The following UTP18 variants were observed in gnomAD, a reference collection of about 807,000 sequenced individuals.
UTP18 encodes the protein UTP18 small subunit processome component, also known as U3 small nucleolar RNA-associated protein 18 homolog.
In UTP18, 36 loss-of-function variants were observed where a neutral mutation model predicts 61.1. The ratio of observed to expected loss-of-function variants is 0.59; its 90% CI spans 0.45 to 0.78. The LOEUF (loss-of-function observed/expected upper bound fraction) is 0.78. UTP18 is among the 30% of genes least tolerant of loss of function. UTP18 has a pLI of 0.00. For missense variants in UTP18, 753 were observed against 693.9 expected (o/e 1.09, Z -0.96); for synonymous variants, 282 against 251.1 (o/e 1.12, Z -1.16).
At chr17:51,263,528 G>A (rs2055529408) in intron 2 of UTP18, 142 bp downstream of exon 2, 1 of 678,540 alleles carries the variant, frequency 1.5e-6, no homozygotes, top group Non-Finnish European at 2.4e-6. Flanking sequence ...ATCTTTCATG[G>A]TTCCTGATCC....
chr17:51,267,221 G>A (rs184837624), intron 3 of UTP18, among the ~76,000 whole-genome samples: 95 of 152,150 alleles, frequency 6.2e-4, no homozygotes, highest in Non-Finnish European at 1.2e-3. Context: ...TCTTGGCCTC[G>A]CAAAGTGCTG....
Position 51,277,147 on chromosome 17 carries a change from T to A in UTP18, c.855T>A (p.Asn285Lys). Residue 285 changes from asparagine (N) to lysine (K), a missense_variant, in exon 7 of 14, where the codon AAT becomes AAA. Transcript: ENST00000225298. Reference protein sequence around the residue: ...VSLFQVDGKTNPKIQSIYLER... With the variant: ...VSLFQVDGKTKPKIQSIYLER... ...CTTTATAGGTTGATGGGAAAACAAA[T>A]CCTAAAATTCAGAGCATCTATTTGG... The A allele has an allele frequency of 6.2e-7, 1 of 1,613,952 alleles. No homozygotes were observed. Among genetic ancestry groups the A allele is most frequent in the Non-Finnish European group, 8.5e-7 (1 of 1,179,936 alleles).
intron 2 of UTP18, among the ~76,000 whole-genome samples, chr17:51,263,972 A>G (rs1253167934): frequency 1.3e-5 from 2 of 152,066 alleles, no homozygotes; most frequent in Admixed American, 6.5e-5. Context: ...GTTGGAGTCA[A>G]TTATGTGAAT....
rs1555555694 is a variant in UTP18, at chr17:51,281,165, T to TATATATATA, written c.1204+686_1204+687insATATATATA. Among the ~76,000 whole-genome samples the TATATATATA allele has an allele frequency of 1.5e-3, 64 of 43,918 alleles. 1 individual carries two copies. Among genetic ancestry groups the TATATATATA allele is most frequent in the African/African-American group, 3.6e-3 (60 of 16,850 alleles). 28.8% of individuals were successfully genotyped at this position (43,918 alleles called of 152,430 possible). ...AAATATATATATATATATATATATA[T>TATATATATA]TTTTTTTAAACGAAAAGTTGTGTTT... is the stretch of plus-strand genomic sequence containing the variant. On this transcript the variant is annotated intron_variant, in intron 9 of 13. Transcript: ENST00000225298.
rs750254541 is a variant in UTP18, at chr17:51,280,419, A to G, written c.1144A>G (p.Asn382Asp). 6.2e-7 allele frequency: 1 copy of G among 1,614,200 alleles called. No individual in the cohort carries two copies. The highest frequency in any genetic ancestry group is 8.5e-7 in the Non-Finnish European group (1 of 1,180,016). ...TKELIGSMKI[N>D]GRVAASTFSS... ...AGAACTGATTGGAAGCATGAAAATT[A>G]ATGGAAGGGTTGCAGCATCCACATT... The change falls in exon 9 of 14, where the codon AAT becomes GAT. Residue 382 changes from asparagine to aspartate, a missense_variant. Asn to Asp is a conservative substitution (Grantham distance 23). Coordinates refer to ENST00000225298, the MANE Select transcript of UTP18 (RefSeq NM_016001.3).
intron 10 of UTP18, 48 bp downstream of exon 10, chr17:51,285,416 G>C: frequency 6.3e-7 from 1 of 1,587,842 alleles, no homozygotes; most frequent in Non-Finnish European, 8.6e-7. Context: ...GTGCTAATGA[G>C]AATATGTTGA....
chr17:51,270,012 C>T (rs1598476217), intron 4 of UTP18, among the ~76,000 whole-genome samples: 1 of 152,060 alleles, frequency 6.6e-6, no homozygotes, highest in Non-Finnish European at 1.5e-5. Flanking sequence ...TGCGCCATTA[C>T]ACCTGGCTAA....
intron 6 of UTP18, 36 bp downstream of exon 6, chr17:51,276,027 A>G: frequency 5.8e-6 from 9 of 1,564,292 alleles, no homozygotes; most frequent in East Asian, 2.3e-5. Flanking sequence ...TTTCTAATGC[A>G]TTATTTTTAT....
intron 4 of UTP18, among the ~76,000 whole-genome samples, chr17:51,270,646 C>G (rs117733211): frequency 0.03 from 4,495 of 152,202 alleles, 85 homozygotes; most frequent in Admixed American, 0.032. Flanking sequence ...TCCAGAGTTG[C>G]CTAAGATGTT....
At chr17:51,293,102 A>G (rs1905273558) in intron 11 of UTP18, among the ~76,000 whole-genome samples, 1 of 152,200 alleles carries the variant, frequency 6.6e-6, no homozygotes, top group Admixed American at 6.5e-5. Flanking sequence ...CTTCATGTTT[A>G]AAATCTCTTT....
chr17:51,273,595 ATTG>A lies in UTP18; in HGVS notation c.711+148_711+150del, dbSNP rs896107270. 7 of 444,044 alleles carry A rather than the reference ATTG, an allele frequency of 1.6e-5. No individual in the cohort carries two copies. In the South Asian group the frequency reaches 2.7e-4, roughly 17 times the overall value. The allele number at this position is 444,044 out of a possible 1,614,324, so 27.5% of individuals were successfully genotyped here. A position where few individuals can be genotyped will look rare whatever the true frequency, so the allele number is the denominator to read the frequency against. ...TTTTGCCCTGGTAAATACTTATGTT[ATTG>A]TTTTTTTTTTTTCCTTTTGCAAAAA... On this transcript the variant is annotated intron_variant, in intron 5 of 13. Coordinates refer to ENST00000225298, the MANE Select transcript of UTP18 (RefSeq NM_016001.3).
intron 1 of UTP18, among the ~76,000 whole-genome samples, chr17:51,261,400 C>A (rs1005895553): frequency 6.6e-6 from 1 of 152,190 alleles, no homozygotes; most frequent in East Asian, 1.9e-4. Flanking sequence ...TCGTGTATTC[C>A]GTTCATTTAG....
intron 12 of UTP18, among the ~76,000 whole-genome samples, chr17:51,294,809 A>G (rs2144449488): frequency 6.6e-6 from 1 of 152,204 alleles, no homozygotes; most frequent in South Asian, 2.1e-4. Flanking sequence ...ACTAGTTTAC[A>G]GTCCCACCAA....
intron 7 of UTP18, 54 bp from the exon 8 acceptor site, chr17:51,279,951 G>A (rs1334284906): frequency 1.4e-6 from 2 of 1,399,102 alleles, no homozygotes; most frequent in Non-Finnish European, 2.0e-6. Context: ...ATAGATGATA[G>A]TTTTATTGAA....
At chr17:51,275,678 T>G (rs961104511) in intron 5 of UTP18, among the ~76,000 whole-genome samples, 188 bp from the exon 6 acceptor site, 1 of 152,144 alleles carries the variant, frequency 6.6e-6, no homozygotes, top group Non-Finnish European at 1.5e-5. Context: ...TGTGGTAAAG[T>G]GACTTGCTAG....
chr17:51,292,650 A>G (rs561874519), intron 11 of UTP18, among the ~76,000 whole-genome samples: 2 of 152,358 alleles, frequency 1.3e-5, no homozygotes, highest in African/African-American at 2.4e-5. Context: ...TGAAGGTGCT[A>G]TATCTCTTGG....
rs566289031 is a variant in UTP18 at position 51,260,662 on chromosome 17, G to A, written c.78G>A (p.Arg26=). The A allele has an allele frequency of 1.6e-5, 26 of 1,612,196 alleles. No homozygotes were observed. The African/African-American group carries it at 3.1e-4, about 19-fold the overall frequency. ...AGCCGAAGCGGAAGCCCGGAATGAG[G>A]CCGGACTGGAAAGCCGGAGCGGGGC... ...GAKPKRKPGM[R]PDWKAGAGPG... is the part of the protein sequence containing the mutation. The change falls in exon 1 of 14, where the codon AGG becomes AGA. Residue 26 remains arginine, a synonymous_variant. Transcript: ENST00000225298.
rs903616532 is a variant in UTP18, at chr17:51,285,255, A to G, written c.1215A>G (p.Glu405=). ...KKVYASSGDG[E]VYVWDVNSRK... ...CGCTCTTTTATGCAGGGGATGGAGAAGTTTATGTTTGGGATGTGAACTCAA... is the reference window on the plus strand; with the variant it reads ...CGCTCTTTTATGCAGGGGATGGAGAGGTTTATGTTTGGGATGTGAACTCAA... The change falls in exon 10 of 14, where the codon GAA becomes GAG. Residue 405 remains glutamate, a synonymous_variant. Transcript: ENST00000225298. 13 of 1,613,498 alleles carry G rather than the reference A, an allele frequency of 8.1e-6. No individual in the cohort carries two copies. The highest frequency in any genetic ancestry group is 1.3e-5 in the African/African-American group (1 of 74,910).
At chr17:51,262,951 G>A (rs1288991171) in intron 1 of UTP18, among the ~76,000 whole-genome samples, 1 of 152,222 alleles carries the variant, frequency 6.6e-6, no homozygotes, top group Non-Finnish European at 1.5e-5. Context: ...AATTTCTGTA[G>A]TTCTGACATT....
Sources: allele counts gnomAD v4.1 joint callset (sites outside exome capture counted in the v4.1 genomes callset), GRCh38; gene constraint gnomAD v4.1.1; transcripts MANE v1.5; gene names NCBI Gene and HGNC (gene_info 2026-07-23, HGNC 2026-07-21).